Variants in AK4 observed in about 807,000 individuals in gnomAD.
The protein encoded by AK4 is adenylate kinase 4.
AK4 carries 13 observed loss-of-function variants against 24.6 expected under a neutral mutation model. The ratio of observed to expected loss-of-function variants is 0.53; its 90% CI spans 0.34 to 0.84. AK4 has a LOEUF of 0.84. AK4 is among the 40% of genes least tolerant of loss of function. The pLI, the probability that AK4 is intolerant of heterozygous loss-of-function variation, is 0.01. For missense variants in AK4, 192 were observed against 288.2 expected (o/e 0.67, Z 2.42); for synonymous variants, 88 against 107.0 (o/e 0.82, Z 1.10).
intron 1 of AK4, among the ~76,000 whole-genome samples, chr1:65,170,381 C>A (rs893734129): frequency 2.7e-5 from 4 of 149,320 alleles, no homozygotes; most frequent in Non-Finnish European, 4.4e-5. Flanking sequence ...CACACACACA[C>A]ACACACAAAA....
chr1:65,176,914 A>G (rs189773878), intron 1 of AK4, among the ~76,000 whole-genome samples: 50 of 152,354 alleles, frequency 3.3e-4, no homozygotes, highest in African/African-American at 1.1e-3. Context: ...TTGTCCCTTG[A>G]TAAAATGCAG....
At chr1:65,154,829 A>G (rs1356358502) in intron 1 of AK4, among the ~76,000 whole-genome samples, 1 of 151,514 alleles carries the variant, frequency 6.6e-6, no homozygotes, top group African/African-American at 2.4e-5. Flanking sequence ...ACTGGCCAAA[A>G]TAGAACTTAA....
chr1:65,202,382 G>A (rs1416837075), intron 2 of AK4, among the ~76,000 whole-genome samples: 1 of 152,158 alleles, frequency 6.6e-6, no homozygotes, highest in East Asian at 1.9e-4. Context: ...GGGCAACTGA[G>A]TGAGACTCCG....
chr1:65,200,402 A>C (rs1378699532), intron 2 of AK4, among the ~76,000 whole-genome samples: 1 of 152,168 alleles, frequency 6.6e-6, no homozygotes, highest in Admixed American at 6.5e-5. Flanking sequence ...GGCGTGAGCC[A>C]CCGTGCCCGG....
At chr1:65,212,962 A>G (rs559238728) in intron 2 of AK4, among the ~76,000 whole-genome samples, 58 of 152,342 alleles carry the variant, frequency 3.8e-4, no homozygotes, top group African/African-American at 1.3e-3. Flanking sequence ...CATAAAGGCT[A>G]TGTTTGCTGA....
chr1:65,218,295 T>TG (rs1284498339), intron 2 of AK4, among the ~76,000 whole-genome samples: 1 of 152,064 alleles, frequency 6.6e-6, no homozygotes, highest in Non-Finnish European at 1.5e-5. Flanking sequence ...TTAACAGAAG[T>TG]GGAAATGGAG....
intron 1 of AK4, among the ~76,000 whole-genome samples, chr1:65,172,848 G>A (rs1448143163): frequency 6.7e-6 from 1 of 148,182 alleles, no homozygotes; most frequent in Non-Finnish European, 1.5e-5. Flanking sequence ...ATCTTGGCCA[G>A]CAAGAGATTT....
At chr1:65,188,814 G>A (rs1167086619) in intron 1 of AK4, among the ~76,000 whole-genome samples, 3 of 151,850 alleles carry the variant, frequency 2.0e-5, no homozygotes, top group Admixed American at 6.6e-5. Context: ...TCTCGCTGTC[G>A]CCTGGGCTGA....
At chr1:65,206,927 A>C (rs1485121638) in intron 2 of AK4, among the ~76,000 whole-genome samples, 1 of 152,260 alleles carries the variant, frequency 6.6e-6, no homozygotes, top group African/African-American at 2.4e-5. Context: ...TTACTTAAGA[A>C]CAAGGGTTAT....
At chr1:65,225,443 G>A (rs1462000352) in intron 4 of AK4, among the ~76,000 whole-genome samples, 3 of 152,170 alleles carry the variant, frequency 2.0e-5, no homozygotes, top group Non-Finnish European at 2.9e-5. Flanking sequence ...GGGCACGCAG[G>A]CCAATGATTC....
chr1:65,185,517 G>T (rs1303481330), intron 1 of AK4, among the ~76,000 whole-genome samples: 2 of 151,978 alleles, frequency 1.3e-5, no homozygotes. Context: ...AACATTTGCT[G>T]TTGCTGTTTC....
chr1:65,208,006 A>G (rs1405755619), intron 2 of AK4, among the ~76,000 whole-genome samples: 2 of 152,206 alleles, frequency 1.3e-5, no homozygotes, highest in African/African-American at 2.4e-5. Flanking sequence ...TGTGATGAAC[A>G]TACAAGTACA....
rs962220488 is a variant in AK4, at chr1:65,230,601, G to A, written c.*4424G>A. 3.3e-5 allele frequency: 5 copies of A among 152,148 alleles called. No homozygotes were observed. The highest frequency in any genetic ancestry group is 4.1e-4 in the South Asian group (2 of 4,828). The allele number at this position is 152,148 out of a possible 1,614,324, so 9.4% of individuals were successfully genotyped here. On this transcript the variant is annotated 3_prime_UTR_variant, in exon 5 of 5. Transcript: ENST00000327299. Reference sequence around the variant, plus strand: ...AACTTGCCTCCTTGTATTATAAATGGAAATAATCCTGTTTATTTAAACGGG... The same window carrying A: ...AACTTGCCTCCTTGTATTATAAATGAAAATAATCCTGTTTATTTAAACGGG...
At chr1:65,190,864 GA>G in intron 2 of AK4, 35 bp downstream of exon 2, 1 of 1,610,446 alleles carries the variant, frequency 6.2e-7, no homozygotes, top group Non-Finnish European at 8.5e-7. Flanking sequence ...GAATTTCTGG[GA>G]ATAGTCAGTT....
intron 2 of AK4, among the ~76,000 whole-genome samples, chr1:65,201,481 T>A (rs1240570566): frequency 6.6e-6 from 1 of 152,236 alleles, no homozygotes; most frequent in African/African-American, 2.4e-5. Context: ...GGAAAACATA[T>A]GTATACACAT....
chr1:65,152,360 C>CTCTCTCTA (rs1277948363), intron 1 of AK4, among the ~76,000 whole-genome samples: 13 of 27,952 alleles, frequency 4.7e-4, no homozygotes, highest in Non-Finnish European at 6.2e-4. Flanking sequence ...CTCTCTCTCT[C>CTCTCTCTA]TATATATATA....
intron 2 of AK4, among the ~76,000 whole-genome samples, chr1:65,199,211 G>T (rs1160318129): frequency 6.6e-6 from 1 of 151,958 alleles, no homozygotes; most frequent in Non-Finnish European, 1.5e-5. Context: ...CTGTGTGTTT[G>T]CATGAAGGAT....
chr1:65,154,338 T>G, intron 1 of AK4: 1 of 328,544 alleles, frequency 3.0e-6, no homozygotes, highest in South Asian at 2.4e-5. Context: ...TGCTATAGGG[T>G]TGAATGAACT....
At chr1:65,159,259 A>G (rs1650075928) in intron 1 of AK4, among the ~76,000 whole-genome samples, 2 of 152,344 alleles carry the variant, frequency 1.3e-5, no homozygotes, top group South Asian at 2.1e-4. Flanking sequence ...CAGGCCCTGG[A>G]CTGACTAATG....
Sources: allele counts gnomAD v4.1 joint callset (sites outside exome capture counted in the v4.1 genomes callset), GRCh38; gene constraint gnomAD v4.1.1; transcripts MANE v1.5; gene names NCBI Gene and HGNC (gene_info 2026-07-23, HGNC 2026-07-21).